Variants in SPATA16 observed in about 807,000 individuals in gnomAD.
The protein encoded by SPATA16 is spermatogenesis associated 16.
Under a neutral mutation model 63.3 loss-of-function variants are expected in SPATA16, and 36 were observed. The ratio of observed to expected loss-of-function variants is 0.57; its 90% CI spans 0.44 to 0.75. The LOEUF is 0.75. SPATA16 is among the 30% of genes least tolerant of loss of function. SPATA16 has a pLI of 0.00. For synonymous variants in SPATA16, 203 were observed against 216.7 expected (o/e 0.94, Z 0.56); for missense variants, 646 against 679.3 (o/e 0.95, Z 0.54).
At chr3:173,079,852 G>T (rs934650551) in intron 2 of SPATA16, among the ~76,000 whole-genome samples, 1 of 149,030 alleles carries the variant, frequency 6.7e-6, no homozygotes, top group African/African-American at 2.5e-5. Flanking sequence ...CTCTTCTACT[G>T]TTTTTTTTTT....
At chr3:173,130,973 G>C (rs2108347652) in intron 1 of SPATA16, among the ~76,000 whole-genome samples, 1 of 152,290 alleles carries the variant, frequency 6.6e-6, no homozygotes, top group African/African-American at 2.4e-5. Context: ...TAGAGGAAAT[G>C]TCAAAATAGT....
chr3:173,060,881 T>C (rs1473263648), intron 2 of SPATA16, among the ~76,000 whole-genome samples: 4 of 152,214 alleles, frequency 2.6e-5, no homozygotes, highest in African/African-American at 9.7e-5. Context: ...CGGATTCCAG[T>C]TGAGTTTAAT....
chr3:173,062,783 T>G (rs1736413186), intron 2 of SPATA16, among the ~76,000 whole-genome samples: 1 of 152,134 alleles, frequency 6.6e-6, no homozygotes, highest in South Asian at 2.1e-4. Context: ...CACGGACAGG[T>G]TGGAGGGTGG....
chr3:173,076,564 T>G (rs1455431304), intron 2 of SPATA16, among the ~76,000 whole-genome samples: 2 of 152,094 alleles, frequency 1.3e-5, no homozygotes, highest in Non-Finnish European at 2.9e-5. Flanking sequence ...CCTAAAATTT[T>G]TATTGAATGC....
At chr3:173,095,270 C>T (rs1737324721) in intron 2 of SPATA16, among the ~76,000 whole-genome samples, 1 of 152,024 alleles carries the variant, frequency 6.6e-6, no homozygotes, top group Admixed American at 6.6e-5. Context: ...AACTTAAGTA[C>T]ACAAACAAAG....
At chr3:172,944,926 C>T (rs369383891) in intron 6 of SPATA16, among the ~76,000 whole-genome samples, 146 of 152,024 alleles carry the variant, frequency 9.6e-4, no homozygotes, top group Middle Eastern at 3.4e-3. Context: ...CACAATAATG[C>T]GAATGTAGTT....
intron 1 of SPATA16, among the ~76,000 whole-genome samples, chr3:173,129,583 T>C (rs1395064890): frequency 2.6e-5 from 4 of 151,324 alleles, no homozygotes; most frequent in Admixed American, 6.6e-5. Flanking sequence ...ATTATATATA[T>C]ACTTATATAT....
chr3:172,985,004 A>G (rs1341485006), intron 4 of SPATA16, among the ~76,000 whole-genome samples: 1 of 152,178 alleles, frequency 6.6e-6, no homozygotes, highest in Non-Finnish European at 1.5e-5. Context: ...GGATTCAACT[A>G]GATATATGGG....
chr3:172,966,935 A>C (rs1279202033), intron 5 of SPATA16, among the ~76,000 whole-genome samples: 1 of 152,230 alleles, frequency 6.6e-6, no homozygotes, highest in African/African-American at 2.4e-5. Flanking sequence ...AAATCTATGG[A>C]AAATAGAAAA....
intron 5 of SPATA16, among the ~76,000 whole-genome samples, chr3:172,965,678 C>G (rs1315805128): frequency 2.6e-5 from 4 of 151,862 alleles, no homozygotes. Flanking sequence ...TGTCACCAGG[C>G]TGGAGTGCAA....
Position 172,924,329 on chromosome 3 carries a change from A to G in SPATA16, c.1229-12T>C, listed in dbSNP as rs765237654. 1.3e-6 allele frequency: 2 copies of G among 1,596,388 alleles called. No homozygotes were observed. Among genetic ancestry groups the G allele is most frequent in the South Asian group, 2.2e-5 (2 of 90,714 alleles). ...AGGTGTTTTATGCTCTAAAAATTGT[A>G]ACAATAAACTTTTATACTATTTTCT... On this transcript the variant is annotated splice_polypyrimidine_tract_variant and intron_variant, in intron 7 of 10. Coordinates refer to ENST00000351008, the MANE Select transcript of SPATA16 (RefSeq NM_031955.6).
chr3:173,062,889 A>G (rs2108301713), intron 2 of SPATA16, among the ~76,000 whole-genome samples: 1 of 152,290 alleles, frequency 6.6e-6, no homozygotes, highest in South Asian at 2.1e-4. Context: ...TCGCATATAC[A>G]GTTCACAATA....
rs1217094846 is a variant in SPATA16, at chr3:173,030,232, C to T, written c.759-10657G>A. ...AATAAATAAAAATAAACAAATCGGA[C>T]TGTATCAAAATTAAAAACTTCTGTT... On this transcript the variant is annotated intron_variant, in intron 3 of 10. Transcript: ENST00000351008. Among the ~76,000 whole-genome samples, 5 of 152,064 alleles carry T rather than the reference C, an allele frequency of 3.3e-5. No homozygotes were observed. In the East Asian group the frequency reaches 7.7e-4, roughly 23 times the overall value.
chr3:173,087,622 G>A (rs1421295601), intron 2 of SPATA16, among the ~76,000 whole-genome samples: 1 of 152,098 alleles, frequency 6.6e-6, no homozygotes, highest in Non-Finnish European at 1.5e-5. Flanking sequence ...TCGTGTCATT[G>A]GTCTGTGTAC....
At chr3:172,916,144 A>G (rs540418499) in intron 9 of SPATA16, among the ~76,000 whole-genome samples, 173 bp downstream of exon 9, 1 of 152,294 alleles carries the variant, frequency 6.6e-6, no homozygotes, top group Admixed American at 6.5e-5. Context: ...AACCAGACAC[A>G]CACCTTCCTA....
intron 4 of SPATA16, among the ~76,000 whole-genome samples, chr3:172,980,254 A>T (rs1188052319): frequency 1.3e-5 from 2 of 152,238 alleles, no homozygotes; most frequent in Non-Finnish European, 2.9e-5. Context: ...ATCCATAAGG[A>T]GTCAAGTACC....
chr3:173,076,986 G>A (rs1465950224), intron 2 of SPATA16, among the ~76,000 whole-genome samples: 1 of 151,986 alleles, frequency 6.6e-6, no homozygotes, highest in Admixed American at 6.6e-5. Context: ...TATATGAATG[G>A]AGCTTTGGAA....
At chr3:173,088,498 C>CAT (rs141177006) in intron 2 of SPATA16, among the ~76,000 whole-genome samples, 5,563 of 152,162 alleles carry the variant, frequency 0.037, 344 homozygotes, top group African/African-American at 0.13. Context: ...AATTTTTACA[C>CAT]ATATGTGTGT....
intron 6 of SPATA16, among the ~76,000 whole-genome samples, chr3:172,936,001 T>C (rs1050719767): frequency 4.6e-5 from 7 of 152,196 alleles, no homozygotes; most frequent in African/African-American, 1.7e-4. Flanking sequence ...ATGGCTTACA[T>C]CTTACACATA....
Sources: gnomAD v4.1 joint callset for allele counts (sites outside exome capture counted in the v4.1 genomes callset) on GRCh38, gnomAD v4.1.1 for gene constraint, MANE v1.5 for transcripts, NCBI Gene and HGNC (gene_info 2026-07-23, HGNC 2026-07-21) for gene names.